The following MTX2 variants were observed in gnomAD, a reference collection of about 807,000 sequenced individuals.
MTX2 encodes the protein metaxin-2.
A neutral mutation model predicts 42.3 loss-of-function variants in MTX2; 35 were observed. The observed-to-expected ratio is 0.83, with a 90% confidence interval of 0.63 to 1.10. The LOEUF is 1.10. MTX2 is among the 50% of genes least tolerant of loss of function. The probability of loss-of-function intolerance (pLI) is 0.00; values close to 1 mark genes in which losing one functional copy is unlikely to be tolerated. For missense variants in MTX2, 307 were observed against 304.1 expected (o/e 1.01, Z -0.07); for synonymous variants, 119 against 100.9 (o/e 1.18, Z -1.08).
chr2:176,286,652 C>T (rs1375563985), intron 1 of MTX2, among the ~76,000 whole-genome samples: 1 of 151,740 alleles, frequency 6.6e-6, no homozygotes, highest in Admixed American at 6.6e-5. Context: ...CAGGTTCAAG[C>T]GATTCTCCTG....
chr2:176,292,134 CT>C (rs900732366), intron 1 of MTX2, among the ~76,000 whole-genome samples: 1 of 152,118 alleles, frequency 6.6e-6, no homozygotes, highest in African/African-American at 2.4e-5. Flanking sequence ...TTACCAACCC[CT>C]TTTTTAGAAA....
intron 1 of MTX2, among the ~76,000 whole-genome samples, chr2:176,282,393 C>T (rs970100030): frequency 2.0e-5 from 3 of 151,908 alleles, no homozygotes; most frequent in African/African-American, 7.2e-5. Flanking sequence ...TAAGCCTTTG[C>T]TGAACATTTT....
intron 1 of MTX2, among the ~76,000 whole-genome samples, chr2:176,279,041 T>C (rs1693018175): frequency 6.6e-6 from 1 of 152,192 alleles, no homozygotes; most frequent in African/African-American, 2.4e-5. Context: ...GTCATGACAA[T>C]TCTCGTTAAC....
chr2:176,288,926 A>G (rs1238709364), intron 1 of MTX2, among the ~76,000 whole-genome samples: 1 of 151,920 alleles, frequency 6.6e-6, no homozygotes, highest in African/African-American at 2.4e-5. Context: ...TTTTTAGGTC[A>G]TAGCACTTTC....
At chr2:176,301,223 G>A (rs1684015925) in intron 3 of MTX2, among the ~76,000 whole-genome samples, 1 of 151,988 alleles carries the variant, frequency 6.6e-6, no homozygotes, top group African/African-American at 2.4e-5. Context: ...GTGGAGCATT[G>A]CGTTCAATCC....
chr2:176,333,056 A>G (rs1684898412), intron 9 of MTX2, among the ~76,000 whole-genome samples: 1 of 151,526 alleles, frequency 6.6e-6, no homozygotes, highest in Admixed American at 6.6e-5. Flanking sequence ...ATAGTAGATA[A>G]CCAACAGGAA....
At chr2:176,296,137 G>T (rs534509727) in intron 1 of MTX2, among the ~76,000 whole-genome samples, 3 of 152,112 alleles carry the variant, frequency 2.0e-5, no homozygotes, top group Non-Finnish European at 4.4e-5. Flanking sequence ...CTTTGTAGCT[G>T]CAGTCTTCTC....
At chr2:176,304,425 T>C (rs1217656083) in intron 3 of MTX2, 1 of 152,366 alleles carries the variant, frequency 6.6e-6, no homozygotes, top group Non-Finnish European at 1.5e-5. Context: ...GGTCTTAATT[T>C]ATGTTAAACT....
chr2:176,324,456 T>G (rs1684662472), intron 4 of MTX2, among the ~76,000 whole-genome samples: 1 of 151,688 alleles, frequency 6.6e-6, no homozygotes. Context: ...TAAACATATT[T>G]TAGATTCTTG....
chr2:176,320,840 G>A (rs984748139), intron 3 of MTX2, among the ~76,000 whole-genome samples: 13 of 151,794 alleles, frequency 8.6e-5, no homozygotes, highest in Non-Finnish European at 1.6e-4. Context: ...GACTAAAGGT[G>A]TGCACCACCA....
intron 9 of MTX2, among the ~76,000 whole-genome samples, chr2:176,331,015 G>A (rs1684850454): frequency 6.6e-6 from 1 of 151,024 alleles, no homozygotes; most frequent in East Asian, 1.9e-4. Context: ...TACTATTAAT[G>A]TAACTATGGT....
At chr2:176,296,255 T>C (rs1332056278) in intron 1 of MTX2, among the ~76,000 whole-genome samples, 2 of 152,132 alleles carry the variant, frequency 1.3e-5, no homozygotes, top group African/African-American at 4.8e-5. Flanking sequence ...GCAACTTTGC[T>C]CTAATTGTGT....
intron 1 of MTX2, among the ~76,000 whole-genome samples, chr2:176,291,231 T>TA (rs1693321904): frequency 6.6e-6 from 1 of 152,196 alleles, no homozygotes; most frequent in South Asian, 2.1e-4. Flanking sequence ...TGTTGTTGGT[T>TA]ATAGTGTTGA....
At chr2:176,292,370 C>G (rs1693348957) in intron 1 of MTX2, among the ~76,000 whole-genome samples, 2 of 152,126 alleles carry the variant, frequency 1.3e-5, no homozygotes, top group South Asian at 4.1e-4. Context: ...AAATGACTTT[C>G]CTTTTAAAAT....
At chr2:176,295,901 C>G (rs1683861068) in intron 1 of MTX2, among the ~76,000 whole-genome samples, 1 of 152,056 alleles carries the variant, frequency 6.6e-6, no homozygotes, top group Admixed American at 6.6e-5. Context: ...AGAAATATAT[C>G]AATTATTATC....
At chr2:176,305,467 C>A (rs1684120009) in intron 3 of MTX2, among the ~76,000 whole-genome samples, 1 of 152,026 alleles carries the variant, frequency 6.6e-6, no homozygotes, top group Admixed American at 6.6e-5. Flanking sequence ...GTACTTTCGA[C>A]TATTTTATAA....
At chr2:176,290,565 T>C (rs1693304345) in intron 1 of MTX2, among the ~76,000 whole-genome samples, 1 of 152,170 alleles carries the variant, frequency 6.6e-6, no homozygotes, top group Non-Finnish European at 1.5e-5. Context: ...TTTTGGATTT[T>C]GTCTTTTCCC....
intron 3 of MTX2, among the ~76,000 whole-genome samples, chr2:176,308,118 A>G (rs909094331): frequency 6.6e-6 from 1 of 152,078 alleles, no homozygotes; most frequent in African/African-American, 2.4e-5. Context: ...AGCACTGTTG[A>G]ATTTTGTCAA....
chr2:176,308,183 TTA>T (rs1247108174), intron 3 of MTX2, among the ~76,000 whole-genome samples: 5 of 152,178 alleles, frequency 3.3e-5, no homozygotes, highest in Admixed American at 6.5e-5. Flanking sequence ...TTGGTTCTGT[TTA>T]TGTGATGGAT....
Sources: allele counts gnomAD v4.1 joint callset (sites outside exome capture counted in the v4.1 genomes callset), GRCh38; gene constraint gnomAD v4.1.1; transcripts MANE v1.5; gene names NCBI Gene and HGNC (gene_info 2026-07-23, HGNC 2026-07-21).